The following FLNC variants were observed in gnomAD, a reference collection of about 807,000 sequenced individuals.
The protein encoded by FLNC is filamin C.
A neutral mutation model predicts 254.3 loss-of-function variants in FLNC; 91 were observed. That is an observed-to-expected ratio of 0.36 (90% CI 0.30 to 0.43). The LOEUF is 0.43. Among genes scored for constraint, FLNC ranks in the 20% least tolerant of loss-of-function variants. The pLI, the probability that FLNC is intolerant of heterozygous loss-of-function variation, is 1.00. For synonymous variants in FLNC, 1,430 were observed against 1,577.2 expected (o/e 0.91, Z 2.21); for missense variants, 2,853 against 3,802.6 (o/e 0.75, Z 6.57).
Position 128,853,594 on chromosome 7 carries a change from A to G in FLNC, c.6334A>G (p.Ile2112Val). 3 of 1,614,118 alleles carry G rather than the reference A, an allele frequency of 1.9e-6. No individual in the cohort carries two copies. Among genetic ancestry groups the G allele is most frequent in the Non-Finnish European group, 2.5e-6 (3 of 1,180,016 alleles). Residue 2112 changes from isoleucine (I) to valine (V), a missense_variant, in exon 38 of 48, where the codon ATC becomes GTC. By Grantham distance (29) the Ile-to-Val change is conservative (BLOSUM62 3). This residue lies in a region of FLNC where 551 missense variants were observed against 835.0 expected (regional missense o/e 0.66). Transcript: ENST00000325888. ...CGAGCCCGGCACCTACATCATCAACATCAAGTTTGCTGACAAGCACGTGCC... is the reference window on the plus strand; with the variant it reads ...CGAGCCCGGCACCTACATCATCAACGTCAAGTTTGCTGACAAGCACGTGCC... ...PTEPGTYIIN[I>V]KFADKHVPGS... is the part of the protein sequence containing the mutation.
rs1362917137 is a variant in FLNC at position 128,836,748 on chromosome 7, AGGG to A, written c.602-408_602-406del. On this transcript the variant is annotated intron_variant, in intron 2 of 47. Coordinates refer to ENST00000325888, the MANE Select transcript of FLNC (RefSeq NM_001458.5). This position sits in a 1 kb window ranked among gnomAD's most constrained non-coding sequence, Gnocchi z 6.0. ...CGGGGCAGCTGTGAGGAGGCCTTCTAGGGGGGATGGGTCAGGGGCATATGTGGG... is the reference window on the plus strand; with the variant it reads ...CGGGGCAGCTGTGAGGAGGCCTTCTAGGGATGGGTCAGGGGCATATGTGGG... Among the ~76,000 whole-genome samples, 1 of 151,024 alleles carries A rather than the reference AGGG, an allele frequency of 6.6e-6. No individual in the cohort carries two copies. Among genetic ancestry groups the A allele is most frequent in the Non-Finnish European group, 1.5e-5 (1 of 68,002 alleles).
At chr7:128,847,038 C>T (rs1002274500) in intron 24 of FLNC, 133 bp downstream of exon 24, 39 of 1,138,414 alleles carry the variant, frequency 3.4e-5, no homozygotes, top group Middle Eastern at 2.6e-4. Context: ...GGGTTGGGGC[C>T]GGAGCCCGGC....
rs2128937684 is a variant in FLNC, at chr7:128,848,985, G to A, written c.4927+3G>A. ...TGCCAGCAAGTGCCTCGTCACAGGTGGGTGCCCACCCGCTGCCCGTGCCCT... is the reference window on the plus strand; with the variant it reads ...TGCCAGCAAGTGCCTCGTCACAGGTAGGTGCCCACCCGCTGCCCGTGCCCT... On this transcript the variant is annotated splice_donor_region_variant and intron_variant, in intron 28 of 47. Transcript: ENST00000325888. The A allele has an allele frequency of 3.1e-6, 5 of 1,610,760 alleles. No homozygotes were observed. The highest frequency in any genetic ancestry group is 4.2e-6 in the Non-Finnish European group (5 of 1,178,628).
In FLNC at chr7:128,858,852, C is replaced by T; in HGVS notation, c.*329C>T. 2.3e-6 allele frequency: 1 copy of T among 432,876 alleles called. No homozygotes were observed. The highest frequency in any genetic ancestry group is 4.3e-6 in the Non-Finnish European group (1 of 231,922). 26.8% of individuals were successfully genotyped at this position (432,876 alleles called of 1,614,324 possible). A position where few individuals can be genotyped will look rare whatever the true frequency, so the allele number is the denominator to read the frequency against. ...GCCCTGAGTTTCTGGCGGGGCTGAG[C>T]AGTGGGGGAGCATTGTGTTGTGGGT... On this transcript the variant is annotated 3_prime_UTR_variant, in exon 48 of 48. Transcript: ENST00000325888. This position sits in a 1 kb window ranked among gnomAD's most constrained non-coding sequence, Gnocchi z 6.7.
At chr7:128,855,385 C>T in intron 43 of FLNC, 71 bp downstream of exon 43, 1 of 985,876 alleles carries the variant, frequency 1.0e-6, no homozygotes, top group Non-Finnish European at 1.6e-6. Flanking sequence ...GACAGCAGGT[C>T]CATGGGGCCA....
chr7:128,838,315 G>A lies in FLNC; in HGVS notation c.1096G>A (p.Val366Met). Residue 366 changes from valine (V) to methionine (M), a missense_variant, in exon 7 of 48, where the codon GTG (valine) becomes ATG (methionine). Transcript: ENST00000325888. ...GAACATTGAACGCAGTCCCTTTGAG[G>A]TGAACGTGGGCATGGCCCTGGGAGA... ...GQNIERSPFEVNVGMALGDAN... is the reference protein window; with the variant it reads ...GQNIERSPFEMNVGMALGDAN... The A allele has an allele frequency of 6.2e-7, 1 of 1,614,098 alleles. No homozygotes were observed. Among genetic ancestry groups the A allele is most frequent in the Non-Finnish European group, 8.5e-7 (1 of 1,179,988 alleles).
In FLNC at chr7:128,838,744, A is replaced by C. The variant is rs1808209347; in HGVS notation, c.1352A>C (p.His451Pro). The C allele has an allele frequency of 6.2e-7, 1 of 1,613,022 alleles. No individual in the cohort carries two copies. Among genetic ancestry groups the C allele is most frequent in the Non-Finnish European group, 8.5e-7 (1 of 1,179,984 alleles). Residue 451 changes from histidine (H) to proline (P), a missense_variant, in exon 8 of 48, where the codon CAT becomes CCT. Physicochemically the swap from His to Pro is moderately conservative, Grantham distance 77. Transcript: ENST00000325888. ...GCCATGGAGGGGCCACATACCGTGC[A>C]TGTGGCCTTTGCGGGTGCCCCCATC... ...RPAMEGPHTV[H>P]VAFAGAPITR...
intron 28 of FLNC, 71 bp from the exon 29 acceptor site, chr7:128,849,110 T>G: frequency 8.5e-6 from 7 of 822,188 alleles, no homozygotes; most frequent in Non-Finnish European, 1.4e-5. Flanking sequence ...GGCCCCTCCC[T>G]CCCTCACCCC....
chr7:128,850,782 G>A (rs377012650), intron 32 of FLNC, 21 bp from the exon 33 acceptor site: 43 of 1,613,486 alleles, frequency 2.7e-5, no homozygotes, highest in Non-Finnish European at 3.6e-5. Flanking sequence ...GGGTCTCCAC[G>A]TAACTGTGTC....
chr7:128,847,893 G>A (rs1201922504), intron 25 of FLNC, 29 bp downstream of exon 25: 5 of 1,613,846 alleles, frequency 3.1e-6, no homozygotes, highest in Non-Finnish European at 4.2e-6. Flanking sequence ...AGGGAGGAGG[G>A]AGGTGGGGCG....
At chr7:128,853,234 C>A in intron 37 of FLNC, 1 of 715,392 alleles carries the variant, frequency 1.4e-6, no homozygotes, top group Non-Finnish European at 2.4e-6. Flanking sequence ...GAAAGCTCAG[C>A]TGTCCTGAGT....
Position 128,849,371 on chromosome 7 carries a change from G to A in FLNC, c.4992G>A (p.Thr1664=), listed in dbSNP as rs766665525. 5.6e-6 allele frequency: 9 copies of A among 1,614,044 alleles called. No homozygotes were observed. Among genetic ancestry groups the A allele is most frequent in the African/African-American group, 2.7e-5 (2 of 74,954 alleles). ...LGPRIQIGQE[T]VITVDAKAAG... ...CTCGAATCCAGATTGGGCAGGAGAC[G>A]GTGATCACGGTGGATGCCAAGGCAG... The change falls in exon 30 of 48, where the codon ACG becomes ACA. Residue 1664 remains threonine, a synonymous_variant. Transcript: ENST00000325888.
In FLNC at chr7:128,853,995, C is replaced by T; in HGVS notation, c.6506C>T (p.Ser2169Phe). ...KIPGNWFQMV[S>F]AQERLTRTFT... ...ACAGGAAACTGGTTCCAGATGGTGT[C>T]TGCCCAGGAGCGCCTGACACGCACC... Residue 2169 changes from serine to phenylalanine, a missense_variant, in exon 40 of 48, where the codon TCT becomes TTT. This residue lies in a region of FLNC where 551 missense variants were observed against 835.0 expected (regional missense o/e 0.66). Transcript: ENST00000325888. The T allele has an allele frequency of 6.2e-7, 1 of 1,613,326 alleles. No individual in the cohort carries two copies. The highest frequency in any genetic ancestry group is 8.5e-7 in the Non-Finnish European group (1 of 1,180,016).
At position 128,841,006 on chromosome 7, in the gene FLNC, G is replaced by T; in HGVS notation, c.1813+36G>T. On this transcript the variant is annotated intron_variant, in intron 11 of 47. Coordinates refer to ENST00000325888, the MANE Select transcript of FLNC (RefSeq NM_001458.5). This position sits in a 1 kb window ranked among gnomAD's most constrained non-coding sequence, Gnocchi z 4.3. ...GGGGGGCAGGAGGAGGGAGTGCTGC[G>T]GGGGAGGGCAGCAGGGGACACTGTG... 6.4e-7 allele frequency: 1 copy of T among 1,573,844 alleles called. No individual in the cohort carries two copies. The highest frequency in any genetic ancestry group is 8.6e-7 in the Non-Finnish European group (1 of 1,158,130).
chr7:128,857,289 G>C lies in FLNC; in HGVS notation c.7733G>C (p.Gly2578Ala). 1.2e-6 allele frequency: 2 copies of C among 1,613,908 alleles called. No homozygotes were observed. The highest frequency in any genetic ancestry group is 1.7e-6 in the Non-Finnish European group (2 of 1,179,942). Residue 2578 changes from glycine (G) to alanine (A), a missense_variant, in exon 46 of 48, where the codon GGT becomes GCT. Gly to Ala is a moderately conservative substitution (Grantham distance 60). Transcript: ENST00000325888. This position sits in a 1 kb window ranked among gnomAD's most constrained non-coding sequence, Gnocchi z 4.5. ...PGNYLIAIKY[G>A]GPQHIVGSPF... ...AACTACCTCATTGCCATCAAGTACGGTGGCCCCCAGCACATCGTGGGCAGC... is the reference window on the plus strand; with the variant it reads ...AACTACCTCATTGCCATCAAGTACGCTGGCCCCCAGCACATCGTGGGCAGC...
In FLNC at chr7:128,841,156, C is replaced by T. The variant is rs1808315877; in HGVS notation, c.1814-14C>T. 2 of 1,613,072 alleles carry T rather than the reference C, an allele frequency of 1.2e-6. No homozygotes were observed. ...CTGATGCTGGATCCCCGACCCTCCC[C>T]CACCTTGCCCCAGGCTTCTCCATCG... is the stretch of plus-strand genomic sequence containing the variant. On this transcript the variant is annotated splice_polypyrimidine_tract_variant and intron_variant, in intron 11 of 47. Transcript: ENST00000325888. The surrounding 1 kb of genome is among the most constrained non-coding windows in gnomAD (Gnocchi z 4.3).
chr7:128,843,469 G>T lies in FLNC; in HGVS notation c.2703G>T (p.Lys901Asn), dbSNP rs1554398845. ...TGACCAAGGGAGCCGGCAAGGCCAA[G>T]CTGGATGTGCAGTTTGCAGGGACAG... ...TVLTKGAGKAKLDVQFAGTAK... is the reference protein window; with the variant it reads ...TVLTKGAGKANLDVQFAGTAK... The change falls in exon 18 of 48, where the codon AAG becomes AAT. Residue 901 changes from lysine (K) to asparagine (N), a missense_variant. Around this residue, in one of 10 missense-constraint regions of FLNC, gnomAD observed 1,573 missense variants for 1,883.5 expected, o/e 0.84. Transcript: ENST00000325888. 3 of 1,614,150 alleles carry T rather than the reference G, an allele frequency of 1.9e-6. No homozygotes were observed. The highest frequency in any genetic ancestry group is 2.5e-6 in the Non-Finnish European group (3 of 1,180,034).
At chr7:128,847,254 G>A (rs927705446) in intron 24 of FLNC, among the ~76,000 whole-genome samples, 2 of 152,222 alleles carry the variant, frequency 1.3e-5, no homozygotes, top group Admixed American at 6.5e-5. Flanking sequence ...CTTCTTGCAC[G>A]CATCGTCTGC....
Position 128,838,319 on chromosome 7 carries a change from A to G in FLNC, c.1100A>G (p.Asn367Ser). The G allele has an allele frequency of 3.1e-6, 5 of 1,614,062 alleles. No individual in the cohort carries two copies. The highest frequency in any genetic ancestry group is 4.2e-6 in the Non-Finnish European group (5 of 1,179,962). The part of the protein sequence containing the change: ...QNIERSPFEV[N>S]VGMALGDANK... ...ATTGAACGCAGTCCCTTTGAGGTGA[A>G]CGTGGGCATGGCCCTGGGAGATGCC... is the stretch of plus-strand genomic sequence containing the variant. Residue 367 changes from asparagine to serine, a missense_variant, in exon 7 of 48, where the codon AAC becomes AGC. Physicochemically the swap from Asn to Ser is conservative, Grantham distance 46 (BLOSUM62 1). Transcript: ENST00000325888.
Sources: gnomAD v4.1 joint callset for allele counts (sites outside exome capture counted in the v4.1 genomes callset) on GRCh38, gnomAD v4.1.1 for gene constraint, gnomAD v4.1.1 regional missense constraint, Gnocchi (gnomAD v3.1) non-coding constraint, MANE v1.5 for transcripts, NCBI Gene and HGNC (gene_info 2026-07-23, HGNC 2026-07-21) for gene names.